The following SYT1 variants were observed in gnomAD, a reference collection of about 807,000 sequenced individuals.
SYT1 encodes the protein synaptotagmin 1, also known as synaptotagmin-1.
SYT1 carries 8 observed loss-of-function variants against 44.8 expected under a neutral mutation model. The observed-to-expected ratio is 0.18, with a 90% CI of 0.10 to 0.32. The LOEUF is 0.32. SYT1 is among the 10% of genes least tolerant of loss of function. The probability of loss-of-function intolerance (pLI) is 1.00; values close to 1 mark genes in which losing one functional copy is unlikely to be tolerated. For missense variants in SYT1, 286 were observed against 509.3 expected, an observed-to-expected ratio of 0.56 and a Z score of 4.22; for synonymous variants, 154 against 188.8, an observed-to-expected ratio of 0.82 and a Z score of 1.51.
At chr12:79,087,465 C>T (rs941039046) in intron 3 of SYT1, among the ~76,000 whole-genome samples, 5 of 152,068 alleles carry the variant, frequency 3.3e-5, no homozygotes, top group African/African-American at 1.2e-4. Context: ...GTGTTGCTGT[C>T]TCATCTATTC....
At chr12:79,128,547 C>T (rs1868591202) in intron 3 of SYT1, among the ~76,000 whole-genome samples, 1 of 152,174 alleles carries the variant, frequency 6.6e-6, no homozygotes, top group Admixed American at 6.5e-5. Context: ...AGGCATGGTG[C>T]ACTCAAGTTG....
intron 4 of SYT1, among the ~76,000 whole-genome samples, chr12:79,229,738 C>T (rs948136271): frequency 4.0e-5 from 6 of 151,886 alleles, no homozygotes; most frequent in South Asian, 2.1e-4. Context: ...GGATTTCAGG[C>T]GCTCACCACC....
At chr12:78,910,015 T>C (rs116861231) in intron 1 of SYT1, among the ~76,000 whole-genome samples, 3,659 of 152,094 alleles carry the variant, frequency 0.024, 72 homozygotes, top group Non-Finnish European at 0.04. Context: ...ATATCCAGCT[T>C]GGCATTATCA....
chr12:79,429,721 G>A (rs966225324), intron 9 of SYT1, among the ~76,000 whole-genome samples: 2 of 152,136 alleles, frequency 1.3e-5, no homozygotes, highest in African/African-American at 4.8e-5. Context: ...AGTAGAGACG[G>A]GGTTTCACCG....
chr12:78,983,952 G>A (rs1205523480), intron 2 of SYT1, among the ~76,000 whole-genome samples: 1 of 151,832 alleles, frequency 6.6e-6, no homozygotes, highest in African/African-American at 2.4e-5. Flanking sequence ...TTGGTCCTTA[G>A]CAATAATCAA....
chr12:79,324,504 T>C (rs1434247709), intron 8 of SYT1, among the ~76,000 whole-genome samples: 1 of 152,190 alleles, frequency 6.6e-6, no homozygotes, highest in Non-Finnish European at 1.5e-5. Flanking sequence ...GTAACTTAGA[T>C]CCATCTGGTA....
At chr12:79,082,695 C>T (rs1877116349) in intron 3 of SYT1, among the ~76,000 whole-genome samples, 1 of 152,114 alleles carries the variant, frequency 6.6e-6, no homozygotes, top group South Asian at 2.1e-4. Context: ...CTGCTAAGGC[C>T]TCCTGCCCTG....
chr12:79,217,805 G>A (rs1246388578), intron 4 of SYT1, 120 bp downstream of exon 4: 3 of 705,188 alleles, frequency 4.3e-6, no homozygotes, highest in Non-Finnish European at 6.2e-6. Flanking sequence ...TATTACTATG[G>A]GAATGATAGT....
chr12:78,934,087 T>C (rs1172045879), intron 1 of SYT1, among the ~76,000 whole-genome samples: 1 of 151,974 alleles, frequency 6.6e-6, no homozygotes, highest in African/African-American at 2.4e-5. Context: ...CTATATACAC[T>C]GTTTTTACAT....
chr12:79,086,178 C>T (rs567162156), intron 3 of SYT1, among the ~76,000 whole-genome samples: 1 of 151,820 alleles, frequency 6.6e-6, no homozygotes, highest in African/African-American at 2.4e-5. Flanking sequence ...TTACCATCAC[C>T]ATCATCATCA....
At chr12:79,084,382 A>C (rs1189198079) in intron 3 of SYT1, among the ~76,000 whole-genome samples, 1 of 152,154 alleles carries the variant, frequency 6.6e-6, no homozygotes, top group Non-Finnish European at 1.5e-5. Context: ...TTGAACATAC[A>C]CTAGTCTCCA....
intron 3 of SYT1, among the ~76,000 whole-genome samples, chr12:79,090,162 A>G (rs1365057584): frequency 6.6e-6 from 1 of 152,048 alleles, no homozygotes; most frequent in African/African-American, 2.4e-5. Context: ...AGAACAAATG[A>G]TCTTTTCTAC....
intron 2 of SYT1, among the ~76,000 whole-genome samples, chr12:79,020,682 T>A (rs1205825193): frequency 6.6e-6 from 1 of 151,946 alleles, no homozygotes; most frequent in African/African-American, 2.4e-5. Context: ...TATTGCCTGC[T>A]GTTCCCTGTC....
intron 3 of SYT1, among the ~76,000 whole-genome samples, chr12:79,169,541 C>G (rs1046858750): frequency 1.3e-5 from 2 of 151,918 alleles, no homozygotes; most frequent in Non-Finnish European, 2.9e-5. Context: ...AAAAACTCCT[C>G]TGGAAGAAGA....
intron 9 of SYT1, among the ~76,000 whole-genome samples, chr12:79,375,204 C>T (rs376391021): frequency 2.6e-5 from 4 of 152,030 alleles, no homozygotes; most frequent in East Asian, 1.9e-4. Context: ...AGTAACCTGC[C>T]GGGAGCTAAT....
chr12:78,912,586 T>C (rs1311950672), intron 1 of SYT1, among the ~76,000 whole-genome samples: 2 of 151,954 alleles, frequency 1.3e-5, no homozygotes, highest in African/African-American at 4.8e-5. Context: ...AAAATCATTA[T>C]GTAATGGAAG....
chr12:78,948,048 T>C (rs1368354749), intron 1 of SYT1, among the ~76,000 whole-genome samples: 2 of 151,812 alleles, frequency 1.3e-5, no homozygotes, highest in African/African-American at 4.8e-5. Context: ...ATAATAGTTA[T>C]GGAAAAAGAT....
chr12:79,165,575 T>A (rs1044903923), intron 3 of SYT1, among the ~76,000 whole-genome samples: 2 of 152,004 alleles, frequency 1.3e-5, no homozygotes, highest in African/African-American at 4.8e-5. Flanking sequence ...TTATCTTGAT[T>A]GCAATGGAAG....
intron 1 of SYT1, among the ~76,000 whole-genome samples, chr12:78,865,502 C>T (rs1042474953): frequency 7.3e-5 from 11 of 150,498 alleles, no homozygotes; most frequent in Non-Finnish European, 8.9e-5. Context: ...GATTGCCTTT[C>T]TTAGAGGAAA....
Sources: gnomAD v4.1 joint callset for allele counts (sites outside exome capture counted in the v4.1 genomes callset) on GRCh38, gnomAD v4.1.1 for gene constraint, MANE v1.5 for transcripts, NCBI Gene and HGNC (gene_info 2026-07-23, HGNC 2026-07-21) for gene names.